RGS5: variants seen among roughly 807,000 people sequenced by gnomAD.
RGS5 encodes the protein regulator of G-protein signalling 5.
A neutral mutation model predicts 18.9 loss-of-function variants in RGS5; 20 were observed. The observed-to-expected ratio is 1.06, with a 90% confidence interval of 0.74 to 1.54. The LOEUF is 1.54. Ranked by LOEUF, RGS5 falls within the 40% of genes most tolerant of loss-of-function variation. The pLI is 0.00. For missense variants in RGS5, 201 were observed against 211.8 expected (o/e 0.95, Z 0.32); for synonymous variants, 57 against 76.2 (o/e 0.75, Z 1.31).
intron 4 of RGS5, 102 bp downstream of exon 4, chr1:163,152,448 G>T (rs1263830155): frequency 5.6e-6 from 7 of 1,248,592 alleles, no homozygotes; most frequent in African/African-American, 3.0e-5. Context: ...TCACAAATAG[G>T]AATAGCCTTT....
At chr1:163,152,521 T>A (rs1461256964) in intron 4 of RGS5, 29 bp downstream of exon 4, 1 of 1,594,674 alleles carries the variant, frequency 6.3e-7, no homozygotes, top group Admixed American at 1.8e-5. Flanking sequence ...TGAGCTGCCC[T>A]TAACTGACCC....
At chr1:163,283,152 G>C (rs1200083110) in intron 2 of RGS5, among the ~76,000 whole-genome samples, 1 of 151,162 alleles carries the variant, frequency 6.6e-6, no homozygotes, top group Non-Finnish European at 1.5e-5. Flanking sequence ...AGAAAGGAAA[G>C]GGGGAGGTTG....
At chr1:163,256,418 T>TA (rs776924988) in intron 2 of RGS5, among the ~76,000 whole-genome samples, 2 of 152,122 alleles carry the variant, frequency 1.3e-5, no homozygotes, top group Non-Finnish European at 2.9e-5. Flanking sequence ...CCATTTTTCT[T>TA]AAAGTTCAGT....
intron 2 of RGS5, among the ~76,000 whole-genome samples, chr1:163,245,811 T>G (rs756083323): frequency 6.6e-6 from 1 of 152,214 alleles, no homozygotes; most frequent in Non-Finnish European, 1.5e-5. Context: ...TATAGTAGCT[T>G]AAAAATAAAC....
At chr1:163,288,938 G>A (rs1394960778) in intron 2 of RGS5, among the ~76,000 whole-genome samples, 1 of 152,072 alleles carries the variant, frequency 6.6e-6, no homozygotes, top group Non-Finnish European at 1.5e-5. Flanking sequence ...CATCTTTCTC[G>A]AATCTTCCCC....
intron 1 of RGS5, among the ~76,000 whole-genome samples, chr1:163,185,267 T>C (rs1267342657): frequency 6.6e-6 from 1 of 152,124 alleles, no homozygotes; most frequent in Non-Finnish European, 1.5e-5. Context: ...ATGTTACCTA[T>C]GAATTATTCC....
chr1:163,238,900 C>A (rs910838475), intron 2 of RGS5: 1 of 176,290 alleles, frequency 5.7e-6, no homozygotes, highest in Non-Finnish European at 1.4e-5. Context: ...AAAGAAAAGT[C>A]TTGGATTATT....
chr1:163,221,152 C>T (rs1158024866), upstream of RGS5, among the ~76,000 whole-genome samples: 2 of 152,136 alleles, frequency 1.3e-5, no homozygotes, highest in African/African-American at 4.8e-5. Context: ...TTATGGCTAT[C>T]AGCCAACTTC....
chr1:163,235,546 C>T (rs1423431240), intron 2 of RGS5, among the ~76,000 whole-genome samples: 2 of 152,150 alleles, frequency 1.3e-5, no homozygotes. Flanking sequence ...ATTAATAGTT[C>T]CCTAACCTAT....
At chr1:163,261,150 G>C (rs891958479) in intron 2 of RGS5, among the ~76,000 whole-genome samples, 1 of 152,192 alleles carries the variant, frequency 6.6e-6, no homozygotes, top group Non-Finnish European at 1.5e-5. Context: ...AACGTTGTGT[G>C]CTTCCTCTTC....
chr1:163,274,963 A>G (rs1648815827), intron 2 of RGS5, among the ~76,000 whole-genome samples: 2 of 152,082 alleles, frequency 1.3e-5, no homozygotes, highest in Admixed American at 6.6e-5. Flanking sequence ...CAAAAAATGA[A>G]GAGTTAGCGG....
chr1:163,193,259 T>C lies in RGS5; in HGVS notation c.44+9533A>G, dbSNP rs137877571. Among the ~76,000 whole-genome samples the C allele has an allele frequency of 4.6e-3, 707 of 152,268 alleles. 7 individuals are homozygous for C. Among genetic ancestry groups the C allele is most frequent in the African/African-American group, 0.016 (682 of 41,550 alleles). ...GGGGAAACAGTTAGGAAGGAAAACA[T>C]GGAGAATATAGAATAAAGGTCTTAG... On this transcript the variant is annotated intron_variant, in intron 1 of 4. Transcript: ENST00000313961.
At chr1:163,245,034 G>C (rs937569259) in intron 2 of RGS5, 3 of 152,224 alleles carry the variant, frequency 2.0e-5, no homozygotes, top group Non-Finnish European at 4.4e-5. Context: ...GAGAAGGTCT[G>C]AGAAATAAAA....
intron 1 of RGS5, among the ~76,000 whole-genome samples, chr1:163,187,275 C>A (rs879732262): frequency 6.6e-6 from 1 of 151,954 alleles, no homozygotes; most frequent in Non-Finnish European, 1.5e-5. Flanking sequence ...TTGAGAAAAC[C>A]TTATTTGCAT....
At chr1:163,251,129 T>C (rs562762580) in intron 2 of RGS5, among the ~76,000 whole-genome samples, 4 of 152,190 alleles carry the variant, frequency 2.6e-5, no homozygotes, top group Non-Finnish European at 5.9e-5. Context: ...TCAGGTTACA[T>C]TTATGTAAGA....
At chr1:163,161,645 C>T (rs1485018308) in intron 3 of RGS5, 3 of 327,506 alleles carry the variant, frequency 9.2e-6, no homozygotes, top group African/African-American at 6.4e-5. Flanking sequence ...TGTTCTGGCT[C>T]ATGCAAGTAA....
rs1024285352 is a variant in RGS5 at position 163,314,024 on chromosome 1, T to G, written c.-378+7598A>C. On this transcript the variant is annotated intron_variant, in intron 1 of 5. Coordinates refer to the RGS5 transcript ENST00000618415. ...ATGTGTGTGTGTGTGTGTGTGTGTGTGTGTGTGTGTTTATAAATGGAATAG... is the reference window on the plus strand; with the variant it reads ...ATGTGTGTGTGTGTGTGTGTGTGTGGGTGTGTGTGTTTATAAATGGAATAG... Among the ~76,000 whole-genome samples, 5 of 152,002 alleles carry G rather than the reference T, an allele frequency of 3.3e-5. No individual in the cohort carries two copies. The South Asian group carries it at 1.0e-3, about 32-fold the overall frequency.
At chr1:163,225,693 G>T (rs1235811376) in intron 2 of RGS5, among the ~76,000 whole-genome samples, 1 of 152,002 alleles carries the variant, frequency 6.6e-6, no homozygotes, top group East Asian at 1.9e-4. Context: ...GGCACTTGCT[G>T]CACTAGACAC....
At chr1:163,180,137 C>T (rs1038873021) in intron 1 of RGS5, among the ~76,000 whole-genome samples, 5 of 152,208 alleles carry the variant, frequency 3.3e-5, no homozygotes, top group African/African-American at 1.2e-4. Context: ...ATTCTTCTAA[C>T]TTTTGTATTA....
Sources: gnomAD v4.1 joint callset for allele counts (sites outside exome capture counted in the v4.1 genomes callset) on GRCh38, gnomAD v4.1.1 for gene constraint, MANE v1.5 for transcripts, NCBI Gene and HGNC (gene_info 2026-07-23, HGNC 2026-07-21) for gene names.